Variants in XKR6 observed in about 807,000 individuals in gnomAD.
The protein encoded by XKR6 is XK related 6, also known as XK-related protein 6.
A neutral mutation model predicts 56.7 loss-of-function variants in XKR6; 22 were observed. That is an observed-to-expected ratio of 0.39 (90% CI 0.28 to 0.55). The LOEUF is 0.55. Among genes scored for constraint, XKR6 ranks in the 20% least tolerant of loss-of-function variants. XKR6 has a pLI of 0.66. For missense variants in XKR6, 852 were observed against 889.0 expected (o/e 0.96, Z 0.53); for synonymous variants, 524 against 387.8 (o/e 1.35, Z -4.13).
rs940707228 is a variant in XKR6, at chr8:10,898,985, C to T, written c.962-69G>A. On this transcript the variant is annotated intron_variant, in intron 2 of 2. Transcript: ENST00000416569. This position sits in a 1 kb window ranked among gnomAD's most constrained non-coding sequence, Gnocchi z 6.6. ...CAACCGCAGGGCACAGTGAAGCTGCCGGCTGAGGAGACGCCCACATACACC... is the reference window on the plus strand; with the variant it reads ...CAACCGCAGGGCACAGTGAAGCTGCTGGCTGAGGAGACGCCCACATACACC... 2.4e-5 allele frequency: 37 copies of T among 1,515,040 alleles called. No homozygotes were observed. The highest frequency in any genetic ancestry group is 3.1e-5 in the Non-Finnish European group (35 of 1,140,340). 93.8% of individuals were successfully genotyped at this position (1,515,040 alleles called of 1,614,324 possible).
chr8:11,006,577 A>G (rs939970524), intron 1 of XKR6, among the ~76,000 whole-genome samples: 19 of 152,226 alleles, frequency 1.2e-4, no homozygotes, highest in African/African-American at 4.6e-4. Context: ...GGGTACACAC[A>G]GAGTGAAGAC....
At chr8:11,188,720 T>C (rs1803400416) in intron 1 of XKR6, among the ~76,000 whole-genome samples, 1 of 152,156 alleles carries the variant, frequency 6.6e-6, no homozygotes, top group Admixed American at 6.5e-5. Context: ...AAATGACAGA[T>C]TTGGAGTTCT....
At chr8:11,175,266 T>C (rs956824616) in intron 1 of XKR6, 1 of 152,506 alleles carries the variant, frequency 6.6e-6, no homozygotes, top group Non-Finnish European at 1.5e-5. Context: ...GGCCAAACAG[T>C]GGGGCTGGAC....
chr8:10,940,840 G>A (rs958911275), intron 1 of XKR6, among the ~76,000 whole-genome samples: 3 of 152,184 alleles, frequency 2.0e-5, no homozygotes, highest in Non-Finnish European at 4.4e-5. Flanking sequence ...ATATGTGGTA[G>A]GTGCTGTGAC....
At position 10,938,003 on chromosome 8, in the gene XKR6, G is replaced by A. The variant is rs544153878; in HGVS notation, c.765-13173C>T. Among the ~76,000 whole-genome samples, 3 of 151,846 alleles carry A rather than the reference G, an allele frequency of 2.0e-5. No individual in the cohort carries two copies. In the East Asian group the frequency reaches 5.8e-4, roughly 29 times the overall value. On this transcript the variant is annotated intron_variant, in intron 1 of 2. Transcript: ENST00000416569. ...TGGCGGGCGCCCCTCCCCCAGCCTCGCTGCCGCCTTGCAGTTTGATCTCAG... is the reference window on the plus strand; with the variant it reads ...TGGCGGGCGCCCCTCCCCCAGCCTCACTGCCGCCTTGCAGTTTGATCTCAG...
At chr8:10,987,910 T>C (rs2129139473) in intron 1 of XKR6, among the ~76,000 whole-genome samples, 1 of 152,340 alleles carries the variant, frequency 6.6e-6, no homozygotes, top group East Asian at 1.9e-4. Flanking sequence ...CAGGGCTCAC[T>C]CTGCACCTCT....
intron 1 of XKR6, among the ~76,000 whole-genome samples, chr8:10,940,793 G>C (rs1801365765): frequency 6.6e-6 from 1 of 152,160 alleles, no homozygotes; most frequent in Non-Finnish European, 1.5e-5. Context: ...CTTTGCAATA[G>C]GCCGGCGGGC....
intron 1 of XKR6, among the ~76,000 whole-genome samples, chr8:11,189,900 T>C (rs941871244): frequency 6.6e-6 from 1 of 152,226 alleles, no homozygotes; most frequent in Non-Finnish European, 1.5e-5. Flanking sequence ...CTCACGCCTG[T>C]AATCCCAGCA....
intron 1 of XKR6, among the ~76,000 whole-genome samples, chr8:11,097,751 G>A (rs1798312138): frequency 7.2e-6 from 1 of 138,888 alleles, no homozygotes; most frequent in Admixed American, 7.5e-5. Context: ...AGGCTGCAGT[G>A]AGCCAAGATC....
intron 1 of XKR6, among the ~76,000 whole-genome samples, chr8:10,969,728 C>T (rs1348315140): frequency 6.6e-6 from 1 of 152,220 alleles, no homozygotes; most frequent in Non-Finnish European, 1.5e-5. Flanking sequence ...AGGAGCCCCC[C>T]ACCCACTGGG....
intron 1 of XKR6, among the ~76,000 whole-genome samples, chr8:11,072,287 G>C (rs1034788523): frequency 3.0e-3 from 448 of 147,582 alleles, no homozygotes; most frequent in African/African-American, 0.011. Context: ...CCCCCTCTCT[G>C]TTTTGGTAAG....
intron 1 of XKR6, among the ~76,000 whole-genome samples, chr8:11,090,922 G>A (rs527606379): frequency 6.6e-6 from 1 of 152,126 alleles, no homozygotes; most frequent in African/African-American, 2.4e-5. Context: ...CACCCCATTT[G>A]ATAGATGAGA....
At chr8:11,183,399 A>T (rs1368305481) in intron 1 of XKR6, among the ~76,000 whole-genome samples, 1 of 151,988 alleles carries the variant, frequency 6.6e-6, no homozygotes, top group Non-Finnish European at 1.5e-5. Context: ...TGCAGCCTCA[A>T]AGTCCTGGGC....
chr8:11,170,735 C>T (rs1040121205), intron 1 of XKR6, among the ~76,000 whole-genome samples: 3 of 152,202 alleles, frequency 2.0e-5, no homozygotes, highest in African/African-American at 7.2e-5. Context: ...CACATCATTG[C>T]TGCCCTTCAA....
chr8:11,114,952 G>A (rs377096770), intron 1 of XKR6, among the ~76,000 whole-genome samples: 1 of 152,130 alleles, frequency 6.6e-6, no homozygotes, highest in African/African-American at 2.4e-5. Context: ...AATACCGAAT[G>A]TTTCTAAGCA....
At chr8:10,945,738 T>C (rs1033041081) in intron 1 of XKR6, among the ~76,000 whole-genome samples, 7 of 152,222 alleles carry the variant, frequency 4.6e-5, no homozygotes, top group Non-Finnish European at 8.8e-5. Context: ...AAAGTTCATA[T>C]GTCTCTATTC....
chr8:11,142,866 T>C (rs1430778723), intron 1 of XKR6, among the ~76,000 whole-genome samples: 8 of 152,220 alleles, frequency 5.3e-5, no homozygotes, highest in Non-Finnish European at 7.3e-5. Flanking sequence ...CAATGAATTG[T>C]AACTTGTCGA....
rs192333495 is a variant in XKR6 at position 10,989,678 on chromosome 8, T to C, written c.765-64848A>G. 2.6e-4 allele frequency among the ~76,000 whole-genome samples: 39 copies of C among 152,286 alleles called. 1 individual carries two copies. In the Middle Eastern group the frequency reaches 0.017, roughly 66 times the overall value. On this transcript the variant is annotated intron_variant, in intron 1 of 2. Coordinates refer to ENST00000416569, the MANE Select transcript of XKR6 (RefSeq NM_173683.4). ...AATATCAGTATCTACCTCACAGAAGTTGTGAATGTTAAACAATACATGCAA... is the reference window on the plus strand; with the variant it reads ...AATATCAGTATCTACCTCACAGAAGCTGTGAATGTTAAACAATACATGCAA...
At chr8:11,118,756 C>T (rs975701215) in intron 1 of XKR6, among the ~76,000 whole-genome samples, 2 of 152,148 alleles carry the variant, frequency 1.3e-5, no homozygotes, top group Non-Finnish European at 2.9e-5. Context: ...TTTCAAAAAA[C>T]CAGCTCCTGG....
Sources: gnomAD v4.1 joint callset for allele counts (sites outside exome capture counted in the v4.1 genomes callset) on GRCh38, gnomAD v4.1.1 for gene constraint, Gnocchi (gnomAD v3.1) non-coding constraint, MANE v1.5 for transcripts, NCBI Gene and HGNC (gene_info 2026-07-23, HGNC 2026-07-21) for gene names.